LGR5: variants seen among roughly 807,000 people sequenced by gnomAD.
LGR5 encodes leucine-rich repeat-containing G protein-coupled receptor 5.
In LGR5, 54 loss-of-function variants were observed where a neutral mutation model predicts 76.7. The ratio of observed to expected loss-of-function variants is 0.70; its 90% CI spans 0.57 to 0.88. The LOEUF (loss-of-function observed/expected upper bound fraction) is 0.88, where lower values mean the gene tolerates loss of function less well. Ranked by LOEUF, LGR5 falls within the 40% of genes least tolerant of loss-of-function variation. LGR5 has a pLI of 0.00. For synonymous variants in LGR5, 406 were observed against 421.9 expected, an observed-to-expected ratio of 0.96 and a Z score of 0.46; for missense variants, 1,078 against 1,073.3, an observed-to-expected ratio of 1.00 and a Z score of -0.06.
chr12:71,517,641 C>T (rs1290881540), intron 2 of LGR5, among the ~76,000 whole-genome samples: 2 of 152,162 alleles, frequency 1.3e-5, no homozygotes, highest in Non-Finnish European at 2.9e-5. Flanking sequence ...CTGTTGAAGT[C>T]CTGACTGTGA....
intron 2 of LGR5, among the ~76,000 whole-genome samples, chr12:71,506,406 T>G (rs982295987): frequency 6.6e-6 from 1 of 152,144 alleles, no homozygotes; most frequent in African/African-American, 2.4e-5. Flanking sequence ...GTGACCCAAC[T>G]CATTCAAAAT....
intron 1 of LGR5, among the ~76,000 whole-genome samples, chr12:71,500,828 G>A (rs1439870516): frequency 2.0e-5 from 3 of 152,044 alleles, no homozygotes; most frequent in Admixed American, 1.3e-4. Flanking sequence ...CATGGAATTT[G>A]CAATCTCTAT....
chr12:71,583,695 T>A lies in LGR5; in HGVS notation c.1685T>A (p.Ile562Asn). ...EHLLDGWLIR[I>N]GVWTIAVLAL... ...CTGCTTGATGGCTGGCTGATCAGAATTGGAGTGTGGACCATAGCAGTTCTG... is the reference window on the plus strand; with the variant it reads ...CTGCTTGATGGCTGGCTGATCAGAAATGGAGTGTGGACCATAGCAGTTCTG... Residue 562 changes from isoleucine to asparagine, a missense_variant, in exon 18 of 18, where the codon ATT becomes AAT. Transcript: ENST00000266674. 1.2e-6 allele frequency: 2 copies of A among 1,614,182 alleles called. No individual in the cohort carries two copies.
At chr12:71,583,494 G>T (rs1592568622) in intron 17 of LGR5, 153 bp from the exon 18 acceptor site, 1 of 823,648 alleles carries the variant, frequency 1.2e-6, no homozygotes. Flanking sequence ...ACAGTGGCTT[G>T]AGATAGTGGA....
At chr12:71,462,412 G>C (rs1565661001) in intron 1 of LGR5, among the ~76,000 whole-genome samples, 1 of 152,066 alleles carries the variant, frequency 6.6e-6, no homozygotes, top group African/African-American at 2.4e-5. Flanking sequence ...GCTAAGATTT[G>C]ACCTTTCTGG....
At chr12:71,577,838 A>AT (rs1029514143) in intron 13 of LGR5, 87 bp from the exon 14 acceptor site, 25 of 840,128 alleles carry the variant, frequency 3.0e-5, no homozygotes, top group Non-Finnish European at 2.4e-5. Flanking sequence ...AATTAAATTA[A>AT]TTTTGGTAGA....
chr12:71,471,829 C>T (rs1873116711), intron 1 of LGR5, among the ~76,000 whole-genome samples: 1 of 151,826 alleles, frequency 6.6e-6, no homozygotes, highest in South Asian at 2.1e-4. Flanking sequence ...AGCACAGTGC[C>T]TGTGACATAA....
At chr12:71,562,447 T>G (rs888639450) in intron 8 of LGR5, among the ~76,000 whole-genome samples, 1 of 84,244 alleles carries the variant, frequency 1.2e-5, no homozygotes, top group Non-Finnish European at 2.8e-5. Flanking sequence ...CTGTGGCTCA[T>G]GCCTGTAATT....
chr12:71,581,770 G>A (rs1014883190), intron 16 of LGR5, among the ~76,000 whole-genome samples: 4 of 152,162 alleles, frequency 2.6e-5, no homozygotes, highest in African/African-American at 9.7e-5. Context: ...AGTACACAAT[G>A]AACAACACAG....
chr12:71,546,204 A>G (rs1460914713), intron 4 of LGR5, among the ~76,000 whole-genome samples: 1 of 151,706 alleles, frequency 6.6e-6, no homozygotes, highest in Admixed American at 6.6e-5. Flanking sequence ...AATACCAGCT[A>G]CTCAGGAGGC....
At position 71,561,463 on chromosome 12, in the gene LGR5, A is replaced by C. The variant is rs1174187680; in HGVS notation, c.786-318A>C. On this transcript the variant is annotated intron_variant, in intron 7 of 17. Coordinates refer to ENST00000266674, the MANE Select transcript of LGR5 (RefSeq NM_003667.4). ...CATAATCTCTCCAAAAATGGTTTCC[A>C]CTCTCTCAGGCTTTTATACAATGAT... Among the ~76,000 whole-genome samples, 5 of 152,186 alleles carry C rather than the reference A, an allele frequency of 3.3e-5. No individual in the cohort carries two copies. In the East Asian group the frequency reaches 9.7e-4, roughly 29 times the overall value.
At chr12:71,559,762 T>G (rs3765016) in intron 7 of LGR5, 108 bp downstream of exon 7, 72,055 of 593,696 alleles carry the variant, frequency 0.12, 6,623 homozygotes, top group East Asian at 0.38. Flanking sequence ...AATTTTAAGT[T>G]TATATAAATA....
chr12:71,521,220 A>C (rs1000270825), intron 2 of LGR5, among the ~76,000 whole-genome samples: 1 of 152,228 alleles, frequency 6.6e-6, no homozygotes, highest in Admixed American at 6.5e-5. Flanking sequence ...ATATCTAGGC[A>C]AGTATGATAC....
chr12:71,513,727 G>A (rs1013242853), intron 2 of LGR5, among the ~76,000 whole-genome samples: 1 of 152,160 alleles, frequency 6.6e-6, no homozygotes, highest in African/African-American at 2.4e-5. Flanking sequence ...ACTATATGTG[G>A]CATATTGAAA....
chr12:71,583,892 G>A lies in LGR5; in HGVS notation c.1882G>A (p.Gly628Ser), dbSNP rs199821088. The change falls in exon 18 of 18, where the codon GGT becomes AGT. Residue 628 changes from glycine to serine, a missense_variant. By Grantham distance (56) the Gly-to-Ser change is moderately conservative. Coordinates refer to ENST00000266674, the MANE Select transcript of LGR5 (RefSeq NM_003667.4). ...AFTFGSFARH[G>S]AWWENGVGCH... ...CACTTTTGGCAGCTTTGCACGACAT[G>A]GTGCCTGGTGGGAGAATGGGGTTGG... The A allele has an allele frequency of 2.1e-5, 34 of 1,614,154 alleles. No individual in the cohort carries two copies. In the African/African-American group the frequency reaches 3.2e-4, roughly 15 times the overall value.
intron 7 of LGR5, among the ~76,000 whole-genome samples, 186 bp downstream of exon 7, chr12:71,559,840 T>C (rs1014437419): frequency 1.3e-5 from 2 of 152,202 alleles, no homozygotes; most frequent in African/African-American, 4.8e-5. Flanking sequence ...TAATATTTTT[T>C]ATTTATGCGG....
chr12:71,566,929 C>T lies in LGR5; in HGVS notation c.1070+17C>T. 6.3e-7 allele frequency: 1 copy of T among 1,591,930 alleles called. No individual in the cohort carries two copies. Among genetic ancestry groups the T allele is most frequent in the Non-Finnish European group, 8.6e-7 (1 of 1,159,830 alleles). On this transcript the variant is annotated intron_variant, in intron 11 of 17. Coordinates refer to ENST00000266674, the MANE Select transcript of LGR5 (RefSeq NM_003667.4). ...CCAAGTGCTGTGCGTATCAGTAAGG[C>T]AATAATGTTGTGTAAACAGGCAACT...
chr12:71,580,443 G>T lies in LGR5; in HGVS notation c.1552+20G>T. On this transcript the variant is annotated intron_variant, in intron 16 of 17. Transcript: ENST00000266674. ...CTCAAGGTAGGACTTGCTATGCCAT[G>T]GTAATGAAATTGTGTTGTGTTCAGT... The T allele has an allele frequency of 1.9e-6, 3 of 1,606,010 alleles. No individual in the cohort carries two copies. The highest frequency in any genetic ancestry group is 2.6e-6 in the Non-Finnish European group (3 of 1,176,142).
intron 1 of LGR5, among the ~76,000 whole-genome samples, chr12:71,453,931 G>T (rs1872355083): frequency 6.6e-6 from 1 of 152,010 alleles, no homozygotes; most frequent in Middle Eastern, 3.2e-3. Flanking sequence ...GAGAATAGTA[G>T]GTATCAATGA....
Sources: allele counts gnomAD v4.1 joint callset (sites outside exome capture counted in the v4.1 genomes callset), GRCh38; gene constraint gnomAD v4.1.1; transcripts MANE v1.5; gene names NCBI Gene and HGNC (gene_info 2026-07-23, HGNC 2026-07-21).